IRF4: variants seen among roughly 807,000 people sequenced by gnomAD.
IRF4 encodes the protein lymphocyte-specific interferon regulatory factor.
A neutral mutation model predicts 55.5 loss-of-function variants in IRF4; 13 were observed. The observed-to-expected ratio is 0.23, with a 90% CI of 0.15 to 0.37. IRF4 has a LOEUF of 0.37. Among genes scored for constraint, IRF4 ranks in the 10% least tolerant of loss-of-function variants. The pLI, the probability that IRF4 is intolerant of heterozygous loss-of-function variation, is 1.00. For missense variants in IRF4, 397 were observed against 593.8 expected, an observed-to-expected ratio of 0.67 and a Z score of 3.44; for synonymous variants, 249 against 240.7, an observed-to-expected ratio of 1.03 and a Z score of -0.32.
intron 5 of IRF4, 152 bp from the exon 6 acceptor site, chr6:398,676 G>T: frequency 1.8e-6 from 1 of 545,434 alleles, no homozygotes; most frequent in Non-Finnish European, 3.3e-6. Flanking sequence ...TCACAAGAGC[G>T]TGCCCTGCTA....
chr6:392,979 A>ACG (rs1761151168), intron 1 of IRF4, 119 bp from the exon 2 acceptor site: 1 of 585,402 alleles, frequency 1.7e-6, no homozygotes, highest in South Asian at 2.4e-5. Context: ...CTGACACGGC[A>ACG]CGCGCGCGCT....
rs1026714048 is a variant in IRF4 at position 407,672 on chromosome 6, T to G, written c.*74T>G. 1.5e-6 allele frequency: 2 copies of G among 1,367,558 alleles called. No homozygotes were observed. The highest frequency in any genetic ancestry group is 3.0e-5 in the African/African-American group (2 of 66,206). The allele number at this position is 1,367,558 out of a possible 1,614,324, so 84.7% of individuals were successfully genotyped here. ...TTGATACGGGGATACGGGGTCTTGC[T>G]CTGTCTCCCAGGCTGGAGTGCAGTG... On this transcript the variant is annotated 3_prime_UTR_variant, in exon 9 of 9. Coordinates refer to ENST00000380956, the MANE Select transcript of IRF4 (RefSeq NM_002460.4).
In IRF4 at chr6:408,731, G is replaced by A. The variant is rs1761617472; in HGVS notation, c.*1133G>A. 1 of 231,778 alleles carries A rather than the reference G, an allele frequency of 4.3e-6. No individual in the cohort carries two copies. The highest frequency in any genetic ancestry group is 2.2e-5 in the African/African-American group (1 of 45,328). 14.4% of individuals were successfully genotyped at this position (231,778 alleles called of 1,614,324 possible). ...TGGCTGTCCAGCGATCAGCCATGGC[G>A]ACACTAAAGGAGGAGGAGCCGGGGA... On this transcript the variant is annotated 3_prime_UTR_variant, in exon 9 of 9. Coordinates refer to ENST00000380956, the MANE Select transcript of IRF4 (RefSeq NM_002460.4).
intron 6 of IRF4, among the ~76,000 whole-genome samples, chr6:399,405 A>C (rs1156902147): frequency 6.6e-6 from 1 of 151,832 alleles, no homozygotes; most frequent in African/African-American, 2.4e-5. Context: ...TAAAACATTG[A>C]TGTGCCTAAG....
Position 395,863 on chromosome 6 carries a change from C to G in IRF4, c.420C>G (p.Thr140=), listed in dbSNP as rs780694741. The G allele has an allele frequency of 1.4e-5, 22 of 1,613,516 alleles. No individual in the cohort carries two copies. In the East Asian group the frequency reaches 4.7e-4, roughly 34 times the overall value. Residue 140 remains threonine, a synonymous_variant, in exon 4 of 9, where the codon ACC becomes ACG. Coordinates refer to ENST00000380956, the MANE Select transcript of IRF4 (RefSeq NM_002460.4). ...AACATGTAGGAGCCAAGCAGCTCAC[C>G]CTGGAGGACCCGCAGATGTCCATGA... ...EGAKKGAKQL[T]LEDPQMSMSH...
chr6:393,050 C>A lies in IRF4; in HGVS notation c.-55-48C>A. 1 of 1,087,266 alleles carries A rather than the reference C, an allele frequency of 9.2e-7. No individual in the cohort carries two copies. Among genetic ancestry groups the A allele is most frequent in the Non-Finnish European group, 1.3e-6 (1 of 767,914 alleles). 67.4% of individuals were successfully genotyped at this position (1,087,266 alleles called of 1,614,324 possible). ...TGGCGCAGGGGATCGGGGCGGGGTG[C>A]CCGGAGTGCGGTGCCTCGTGGCTGA... On this transcript the variant is annotated intron_variant, in intron 1 of 8. Transcript: ENST00000380956. This position sits in a 1 kb window ranked among gnomAD's most constrained non-coding sequence, Gnocchi z 5.4.
In IRF4 at chr6:407,567, G is replaced by C; in HGVS notation, c.1325G>C (p.Arg442Thr). Residue 442 changes from arginine (R) to threonine (T), a missense_variant, in exon 9 of 9, where the codon AGA becomes ACA. Coordinates refer to ENST00000380956, the MANE Select transcript of IRF4 (RefSeq NM_002460.4). ...ATCAGCAATCCAGAAGATTACCACAGATCTATCCGCCATTCCTCTATTCAA... is the reference window on the plus strand; with the variant it reads ...ATCAGCAATCCAGAAGATTACCACACATCTATCCGCCATTCCTCTATTCAA... ...EHISNPEDYH[R>T]SIRHSSIQE is the part of the protein sequence containing the mutation. The C allele has an allele frequency of 6.2e-7, 1 of 1,610,080 alleles. No individual in the cohort carries two copies. The highest frequency in any genetic ancestry group is 8.5e-7 in the Non-Finnish European group (1 of 1,179,010).
chr6:392,273 G>A (rs1168251895), intron 1 of IRF4, among the ~76,000 whole-genome samples: 1 of 152,234 alleles, frequency 6.6e-6, no homozygotes, highest in African/African-American at 2.4e-5. Context: ...GTGCTCACCC[G>A]CTGGCGCAGG....
Position 409,909 on chromosome 6 carries a change from T to G in IRF4, c.*2311T>G, listed in dbSNP as rs938215763. 2 of 229,374 alleles carry G rather than the reference T, an allele frequency of 8.7e-6. No homozygotes were observed. The highest frequency in any genetic ancestry group is 1.7e-5 in the Non-Finnish European group (2 of 115,504). The allele number at this position is 229,374 out of a possible 1,614,324, so 14.2% of individuals were successfully genotyped here. Reference sequence around the variant, plus strand: ...TTGTTTTTTTAAATATTATGCTGCTTTAACAGTGGAGCTGAATTTTCTGGA... The same window carrying G: ...TTGTTTTTTTAAATATTATGCTGCTGTAACAGTGGAGCTGAATTTTCTGGA... On this transcript the variant is annotated 3_prime_UTR_variant, in exon 9 of 9. Coordinates refer to ENST00000380956, the MANE Select transcript of IRF4 (RefSeq NM_002460.4).
Position 410,478 on chromosome 6 carries a change from TAAA to T in IRF4, c.*2882_*2884del, listed in dbSNP as rs1761670237. 1 of 228,860 alleles carries T rather than the reference TAAA, an allele frequency of 4.4e-6. No individual in the cohort carries two copies. The highest frequency in any genetic ancestry group is 8.7e-6 in the Non-Finnish European group (1 of 115,256). The allele number at this position is 228,860 out of a possible 1,614,324, so 14.2% of individuals were successfully genotyped here. A position where few individuals can be genotyped will look rare whatever the true frequency, so the allele number is the denominator to read the frequency against. Reference sequence around the variant, plus strand: ...AGACTGTGCCATGGTGAGAAAAATGTAAAATCCTACAGTGAAATGAGCAGCCCT... The same window carrying T: ...AGACTGTGCCATGGTGAGAAAAATGTATCCTACAGTGAAATGAGCAGCCCT... On this transcript the variant is annotated 3_prime_UTR_variant, in exon 9 of 9. Coordinates refer to ENST00000380956, the MANE Select transcript of IRF4 (RefSeq NM_002460.4).
chr6:406,815 T>C, intron 8 of IRF4: 1 of 1,193,932 alleles, frequency 8.4e-7, no homozygotes, highest in Non-Finnish European at 1.1e-6. Context: ...CAGTCTCTAA[T>C]ATCATGATTG....
At chr6:403,989 C>G (rs1456863421) in intron 7 of IRF4, among the ~76,000 whole-genome samples, 1 of 152,000 alleles carries the variant, frequency 6.6e-6, no homozygotes, top group Non-Finnish European at 1.5e-5. Context: ...TCAAATAGTC[C>G]TGTAAGTTAG....
At chr6:405,308 A>G (rs1376901680) in intron 8 of IRF4, among the ~76,000 whole-genome samples, 178 bp downstream of exon 8, 1 of 152,252 alleles carries the variant, frequency 6.6e-6, no homozygotes, top group Non-Finnish European at 1.5e-5. Context: ...CTGAGGACTC[A>G]CGTGCTCCTC....
At position 393,288 on chromosome 6, in the gene IRF4, G is replaced by A. The variant is rs780297970; in HGVS notation, c.136G>A (p.Glu46Lys). 1.2e-6 allele frequency: 2 copies of A among 1,607,068 alleles called. No individual in the cohort carries two copies. Among genetic ancestry groups the A allele is most frequent in the Non-Finnish European group, 1.7e-6 (2 of 1,177,066 alleles). The change falls in exon 2 of 9, where the codon GAG (glutamate) becomes AAG (lysine). Residue 46 changes from glutamate (E) to lysine (K), a missense_variant. By Grantham distance (56) the Glu-to-Lys change is moderately conservative (BLOSUM62 1). This residue lies in a region of IRF4 where 341 missense variants were observed against 548.1 expected (regional missense o/e 0.62). Transcript: ENST00000380956. This position sits in a 1 kb window ranked among gnomAD's most constrained non-coding sequence, Gnocchi z 5.4. ...CCCCGGGCTGGTGTGGGAGAACGAGGAGAAGAGCATCTTCCGCATCCCCTG... is the reference window on the plus strand; with the variant it reads ...CCCCGGGCTGGTGTGGGAGAACGAGAAGAAGAGCATCTTCCGCATCCCCTG... ...KYPGLVWENE[E>K]KSIFRIPWKH...
At position 392,026 on chromosome 6, in the gene IRF4, C is replaced by G. The variant is rs1018597381; in HGVS notation, c.-56+217C>G. 7 of 351,908 alleles carry G rather than the reference C, an allele frequency of 2.0e-5. 1 individual carries two copies. The highest frequency in any genetic ancestry group is 1.4e-4 in the Admixed American group (4 of 28,796). The allele number at this position is 351,908 out of a possible 1,614,324, so 21.8% of individuals were successfully genotyped here. ...CAAGGCCCGCCTCCTTGGCTCTGCCCGAGCCTCCCCGCCTGCCCTCCGCGC... is the reference window on the plus strand; with the variant it reads ...CAAGGCCCGCCTCCTTGGCTCTGCCGGAGCCTCCCCGCCTGCCCTCCGCGC... On this transcript the variant is annotated intron_variant, in intron 1 of 8. Coordinates refer to ENST00000380956, the MANE Select transcript of IRF4 (RefSeq NM_002460.4).
rs1437296181 is a variant in IRF4, at chr6:393,556, C to A, written c.216+188C>A. On this transcript the variant is annotated intron_variant, in intron 2 of 8. Transcript: ENST00000380956. The surrounding 1 kb of genome is among the most constrained non-coding windows in gnomAD (Gnocchi z 5.4). ...AGGAGGCCTCGGCTCTCAGCGGGAC[C>A]GCGGGGGCCGGGAGCCGGGTCCTGG... Among the ~76,000 whole-genome samples, 1 of 152,066 alleles carries A rather than the reference C, an allele frequency of 6.6e-6. No homozygotes were observed. Among genetic ancestry groups the A allele is most frequent in the African/African-American group, 2.4e-5 (1 of 41,414 alleles).
intron 1 of IRF4, 114 bp from the exon 2 acceptor site, chr6:392,984 C>A: frequency 1.7e-6 from 1 of 597,930 alleles, no homozygotes; most frequent in African/African-American, 2.0e-5. Flanking sequence ...ACGGCACGCG[C>A]GCGCTTCGCA....
At chr6:396,152 G>A (rs1162008011) in intron 4 of IRF4, 10 of 551,128 alleles carry the variant, frequency 1.8e-5, no homozygotes, top group South Asian at 9.1e-5. Flanking sequence ...GGGCGTGTCC[G>A]CCTGTTGGAA....
At chr6:399,937 G>T (rs1178400634) in intron 6 of IRF4, among the ~76,000 whole-genome samples, 2 of 152,180 alleles carry the variant, frequency 1.3e-5, no homozygotes, top group Admixed American at 1.3e-4. Flanking sequence ...TCAAACCCTT[G>T]TCTTGAACAC....
Sources: allele counts gnomAD v4.1 joint callset (sites outside exome capture counted in the v4.1 genomes callset), GRCh38; gene constraint gnomAD v4.1.1; regional missense constraint gnomAD v4.1.1; non-coding constraint Gnocchi (gnomAD v3.1); transcripts MANE v1.5; gene names NCBI Gene and HGNC (gene_info 2026-07-23, HGNC 2026-07-21).